Variants in TNS3 observed in about 807,000 individuals in gnomAD.
The protein encoded by TNS3 is tensin-3.
In TNS3, 45 loss-of-function variants were observed where a neutral mutation model predicts 140.9. The observed-to-expected ratio is 0.32, with a 90% CI of 0.25 to 0.41. The LOEUF (loss-of-function observed/expected upper bound fraction) is 0.41, where lower values mean the gene tolerates loss of function less well. Ranked by LOEUF, TNS3 falls within the 10% of genes least tolerant of loss-of-function variation. The pLI is 1.00. For missense variants in TNS3, 1,716 were observed against 1,906.7 expected, an observed-to-expected ratio of 0.90 and a Z score of 1.86; for synonymous variants, 815 against 788.4, an observed-to-expected ratio of 1.03 and a Z score of -0.56.
intron 10 of TNS3, among the ~76,000 whole-genome samples, chr7:47,420,499 T>C (rs538181229): frequency 3.9e-5 from 6 of 152,262 alleles, no homozygotes; most frequent in South Asian, 2.1e-4. Context: ...AACCCTCAGA[T>C]AGGCATGCGT....
At chr7:47,424,658 C>G (rs1794555485) in intron 9 of TNS3, among the ~76,000 whole-genome samples, 1 of 152,150 alleles carries the variant, frequency 6.6e-6, no homozygotes, top group Admixed American at 6.5e-5. Flanking sequence ...GCAGGAGAGT[C>G]AACAGACACC....
chr7:47,387,253 G>A (rs1480910103), intron 16 of TNS3, among the ~76,000 whole-genome samples: 2 of 152,200 alleles, frequency 1.3e-5, no homozygotes, highest in Admixed American at 1.3e-4. Context: ...GTGGGGCTGG[G>A]GCTGTGGAGG....
At chr7:47,476,447 A>G (rs1412778721) in intron 4 of TNS3, among the ~76,000 whole-genome samples, 2 of 152,244 alleles carry the variant, frequency 1.3e-5, no homozygotes, top group African/African-American at 2.4e-5. Context: ...CCTTAGGGAC[A>G]GTAGTTACCT....
At chr7:47,335,593 G>C (rs1164340264) in intron 20 of TNS3, among the ~76,000 whole-genome samples, 1 of 152,138 alleles carries the variant, frequency 6.6e-6, no homozygotes, top group African/African-American at 2.4e-5. Context: ...GATGCCCAGG[G>C]GCCTTCTCCG....
At chr7:47,382,818 G>C (rs754604813) in intron 16 of TNS3, among the ~76,000 whole-genome samples, 1 of 152,128 alleles carries the variant, frequency 6.6e-6, no homozygotes, top group Non-Finnish European at 1.5e-5. Context: ...CTGTGTGTTG[G>C]CTGAAAAAAA....
intron 16 of TNS3, among the ~76,000 whole-genome samples, chr7:47,396,140 C>T (rs892387084): frequency 6.6e-6 from 1 of 152,182 alleles, no homozygotes; most frequent in Non-Finnish European, 1.5e-5. Flanking sequence ...GACAAGGGAT[C>T]AGCATGACAT....
At chr7:47,328,235 G>A (rs887958974) in intron 20 of TNS3, among the ~76,000 whole-genome samples, 3 of 152,188 alleles carry the variant, frequency 2.0e-5, no homozygotes, top group Admixed American at 1.3e-4. Flanking sequence ...GCTCAGGCCC[G>A]GGAAAGAATC....
chr7:47,368,323 G>A, intron 17 of TNS3, 42 bp downstream of exon 17: 1 of 1,435,108 alleles, frequency 7.0e-7, no homozygotes. Context: ...GCCTCCCGTG[G>A]AGCACCTCCC....
intron 28 of TNS3, among the ~76,000 whole-genome samples, chr7:47,282,582 C>G (rs997737340): frequency 6.6e-6 from 1 of 152,172 alleles, no homozygotes; most frequent in African/African-American, 2.4e-5. Context: ...CCTGCGTGTG[C>G]CACACAGGGC....
At chr7:47,537,876 A>T (rs980958893) in intron 1 of TNS3, among the ~76,000 whole-genome samples, 8 of 152,090 alleles carry the variant, frequency 5.3e-5, no homozygotes, top group Non-Finnish European at 1.0e-4. Flanking sequence ...GATTTCAAGC[A>T]AATATCAAAG....
chr7:47,455,597 G>C (rs1042784391), intron 4 of TNS3, among the ~76,000 whole-genome samples: 4 of 152,192 alleles, frequency 2.6e-5, no homozygotes, highest in African/African-American at 9.6e-5. Context: ...AGGTGTGACA[G>C]AGGGGAAAGA....
chr7:47,322,647 G>A (rs1393862259), intron 20 of TNS3, among the ~76,000 whole-genome samples: 1 of 152,180 alleles, frequency 6.6e-6, no homozygotes, highest in Non-Finnish European at 1.5e-5. Context: ...AAAATGGTTT[G>A]TGAAAGCCTG....
intron 10 of TNS3, among the ~76,000 whole-genome samples, chr7:47,417,963 A>G (rs1794173231): frequency 6.6e-6 from 1 of 152,220 alleles, no homozygotes; most frequent in Non-Finnish European, 1.5e-5. Flanking sequence ...AACCACCATC[A>G]GTACCAAAGA....
At chr7:47,337,128 C>G (rs1392031835) in intron 20 of TNS3, among the ~76,000 whole-genome samples, 4 of 152,224 alleles carry the variant, frequency 2.6e-5, no homozygotes, top group Non-Finnish European at 5.9e-5. Flanking sequence ...GCAAGAACCC[C>G]CCTACCCTTG....
Position 47,542,926 on chromosome 7 carries a change from C to CAAAAAAAAAAAAAAAAAAAAAAAAAA in TNS3, c.-264-13780_-264-13779insTTTTTTTTTTTTTTTTTTTTTTTTTT, listed in dbSNP as rs33935034. On this transcript the variant is annotated intron_variant, in intron 1 of 30. Coordinates refer to ENST00000311160, the MANE Select transcript of TNS3 (RefSeq NM_022748.12). ...ACCACGGGGAACAGTGCAAGACTGT[C>CAAAAAAAAAAAAAAAAAAAAAAAAAA]AAAAAAAAAAAAAAAAGGCACTTTG... Among the ~76,000 whole-genome samples, 2 of 135,166 alleles carry CAAAAAAAAAAAAAAAAAAAAAAAAAA rather than the reference C, an allele frequency of 1.5e-5. 1 individual carries two copies. The highest frequency in any genetic ancestry group is 3.1e-5 in the Non-Finnish European group (2 of 64,126). 88.7% of individuals were successfully genotyped at this position (135,166 alleles called of 152,430 possible). A position where few individuals can be genotyped will look rare whatever the true frequency, so the allele number is the denominator to read the frequency against.
intron 16 of TNS3, among the ~76,000 whole-genome samples, chr7:47,370,367 G>A (rs1297250729): frequency 6.6e-6 from 1 of 152,194 alleles, no homozygotes; most frequent in Admixed American, 6.5e-5. Flanking sequence ...AATTGATTTG[G>A]GTCTTCCTGT....
chr7:47,309,675 G>A (rs1786971218), intron 20 of TNS3, among the ~76,000 whole-genome samples: 1 of 152,202 alleles, frequency 6.6e-6, no homozygotes, highest in African/African-American at 2.4e-5. Context: ...GAAGAAGCCA[G>A]AATGTTAGAT....
At chr7:47,468,808 G>A (rs1302900738) in intron 4 of TNS3, among the ~76,000 whole-genome samples, 1 of 152,106 alleles carries the variant, frequency 6.6e-6, no homozygotes, top group Non-Finnish European at 1.5e-5. Flanking sequence ...AAAGAACAAA[G>A]CCAAAGGCAT....
chr7:47,467,573 T>C (rs1796771939), intron 4 of TNS3, among the ~76,000 whole-genome samples: 1 of 152,178 alleles, frequency 6.6e-6, no homozygotes, highest in South Asian at 2.1e-4. Context: ...ACAGTTGTCC[T>C]GATGCTGGCA....
Sources: allele counts gnomAD v4.1 joint callset (sites outside exome capture counted in the v4.1 genomes callset), GRCh38; gene constraint gnomAD v4.1.1; transcripts MANE v1.5; gene names NCBI Gene and HGNC (gene_info 2026-07-23, HGNC 2026-07-21).